Variants in ZNF765 observed in about 807,000 individuals in gnomAD.
The protein encoded by ZNF765 is zinc finger protein 765.
In ZNF765, 37 loss-of-function variants were observed where a neutral mutation model predicts 44.7. The observed-to-expected ratio is 0.83, with a 90% CI of 0.64 to 1.09. The LOEUF (loss-of-function observed/expected upper bound fraction) is 1.09. Among genes scored for constraint, ZNF765 ranks in the 50% least tolerant of loss-of-function variants. ZNF765 has a pLI of 0.00. For synonymous variants in ZNF765, 201 were observed against 213.7 expected (o/e 0.94, Z 0.52); for missense variants, 594 against 626.1 (o/e 0.95, Z 0.55).
Position 53,420,880 on chromosome 19 carries a change from C to G in ZNF765, c.143-2182C>G, listed in dbSNP as rs1165809882. Among the ~76,000 whole-genome samples, 4 of 152,032 alleles carry G rather than the reference C, an allele frequency of 2.6e-5. No homozygotes were observed. In the South Asian group the frequency reaches 6.2e-4, roughly 24 times the overall value. On this transcript the variant is annotated intron_variant, in intron 3 of 3. Coordinates refer to the ZNF765 transcript ENST00000594030. ...AGCCAGGTATTGTCCAAGGTTTCTCCCCATGTGATAGCCTGAGATATGGCC... is the reference window on the plus strand; with the variant it reads ...AGCCAGGTATTGTCCAAGGTTTCTCGCCATGTGATAGCCTGAGATATGGCC...
chr19:53,415,801 C>G (rs1337320028), downstream of ZNF765, among the ~76,000 whole-genome samples: 1 of 152,000 alleles, frequency 6.6e-6, no homozygotes, highest in Non-Finnish European at 1.5e-5. Flanking sequence ...TCTCCTGGTC[C>G]CCATATTTTC....
intron 3 of ZNF765, among the ~76,000 whole-genome samples, chr19:53,418,138 C>T (rs191052869): frequency 1.3e-5 from 2 of 152,326 alleles, no homozygotes; most frequent in Admixed American, 6.5e-5. Context: ...CACGGTGGCT[C>T]ACGCCTGTAA....
intron 3 of ZNF765, among the ~76,000 whole-genome samples, chr19:53,405,903 CTA>C (rs10675178): frequency 0.021 from 999 of 48,492 alleles, 7 homozygotes; most frequent in Non-Finnish European, 0.034. Flanking sequence ...TTAATACCAA[CTA>C]TATATATATA....
chr19:53,409,135 G>A lies in ZNF765; in HGVS notation c.*8G>A. 1.9e-6 allele frequency: 3 copies of A among 1,604,968 alleles called. No individual in the cohort carries two copies. The highest frequency in any genetic ancestry group is 2.6e-6 in the Non-Finnish European group (3 of 1,172,218). The stretch of plus-strand genomic sequence containing the variant: ...GAGAAACTACACGTGTAATGAGTGT[G>A]GTAAGACCTTCAATCAGGAGTTAAC... On this transcript the variant is annotated 3_prime_UTR_variant, in exon 4 of 4. Coordinates refer to ENST00000396408, the MANE Select transcript of ZNF765 (RefSeq NM_001040185.3).
At chr19:53,414,483 ACACACACCCCCCCCCCCCCCCC>A (rs2085861483), downstream of ZNF765, among the ~76,000 whole-genome samples, 7 of 4,892 alleles carry the variant, frequency 1.4e-3, no homozygotes, top group African/African-American at 9.7e-3. Context: ...ACACACACAC[ACACACACCCCCCCCCCCCCCCC>A]CCCCGGGGAA....
chr19:53,405,902 A>AAT (rs1201456882), intron 3 of ZNF765, among the ~76,000 whole-genome samples: 5 of 37,032 alleles, frequency 1.4e-4, no homozygotes, highest in African/African-American at 3.7e-4. Context: ...ATTAATACCA[A>AAT]CTATATATAT....
At position 53,407,961 on chromosome 19, in the gene ZNF765, G is replaced by C. The variant is rs2085791907; in HGVS notation, c.406G>C (p.Val136Leu). ...TCAAAATTATGCTGGAAACAAGCCTGTTAAATATCAGCTTGGATTCAGCTT... is the reference window on the plus strand; with the variant it reads ...TCAAAATTATGCTGGAAACAAGCCTCTTAAATATCAGCTTGGATTCAGCTT... Reference protein sequence around the residue: ...YDQNYAGNKPVKYQLGFSFHS... With the variant: ...YDQNYAGNKPLKYQLGFSFHS... Residue 136 changes from valine (V) to leucine (L), a missense_variant, in exon 4 of 4, where the codon GTT (valine) becomes CTT (leucine). This residue lies in a region of ZNF765 where 567 missense variants were observed against 572.6 expected (regional missense o/e 0.99). Transcript: ENST00000396408. 1 of 1,614,068 alleles carries C rather than the reference G, an allele frequency of 6.2e-7. No homozygotes were observed. The highest frequency in any genetic ancestry group is 1.7e-5 in the Admixed American group (1 of 60,006).
downstream of ZNF765, among the ~76,000 whole-genome samples, chr19:53,414,579 T>G (rs1400431461): frequency 6.8e-6 from 1 of 146,690 alleles, no homozygotes; most frequent in African/African-American, 2.5e-5. Context: ...AAAACTACCT[T>G]ATAGACTTTC....
In ZNF765 at chr19:53,409,830, C is replaced by A; in HGVS notation, c.*703C>A. 1 of 697,460 alleles carries A rather than the reference C, an allele frequency of 1.4e-6. No homozygotes were observed. The highest frequency in any genetic ancestry group is 2.7e-6 in the Non-Finnish European group (1 of 371,986). 43.2% of individuals were successfully genotyped at this position (697,460 alleles called of 1,614,324 possible). On this transcript the variant is annotated 3_prime_UTR_variant, in exon 4 of 4. Coordinates refer to ENST00000396408, the MANE Select transcript of ZNF765 (RefSeq NM_001040185.3). ...ACCTTTAGTCTGAAGTCATACCTTA[C>A]GCACCATCGTAGACTTCATACTGGA...
chr19:53,407,308 T>C (rs1340567581), intron 3 of ZNF765, among the ~76,000 whole-genome samples: 1 of 152,254 alleles, frequency 6.6e-6, no homozygotes, highest in Non-Finnish European at 1.5e-5. Flanking sequence ...GTACATCATG[T>C]GGTCCTTTAG....
At chr19:53,398,133 G>A in intron 2 of ZNF765, 103 bp downstream of exon 2, 1 of 1,596,466 alleles carries the variant, frequency 6.3e-7, no homozygotes. Flanking sequence ...TGCCTGACAG[G>A]TTTGCTCGCA....
intron 1 of ZNF765, among the ~76,000 whole-genome samples, chr19:53,395,529 T>C (rs11670042): frequency 0.5 from 76,432 of 152,166 alleles, 19,663 homozygotes; most frequent in South Asian, 0.62. Flanking sequence ...CGCCTCCCAG[T>C]CTCGCCCTCG....
Position 53,409,317 on chromosome 19 carries a change from C to A in ZNF765, c.*190C>A. 3 of 883,252 alleles carry A rather than the reference C, an allele frequency of 3.4e-6. No individual in the cohort carries two copies. The highest frequency in any genetic ancestry group is 2.7e-5 in the South Asian group (2 of 74,092). 54.7% of individuals were successfully genotyped at this position (883,252 alleles called of 1,614,324 possible). A position where few individuals can be genotyped will look rare whatever the true frequency, so the allele number is the denominator to read the frequency against. On this transcript the variant is annotated 3_prime_UTR_variant, in exon 4 of 4. Coordinates refer to ENST00000396408, the MANE Select transcript of ZNF765 (RefSeq NM_001040185.3). ...TAATGAGTGTGGCAAGACCTTGAGT[C>A]ATACGTCATCTTTTGTGTACCATCA... is the stretch of plus-strand genomic sequence containing the variant.
At chr19:53,398,488 G>T (rs1258768210) in intron 2 of ZNF765, among the ~76,000 whole-genome samples, 3 of 152,250 alleles carry the variant, frequency 2.0e-5, no homozygotes, top group South Asian at 2.1e-4. Context: ...ACATTTTTAG[G>T]TAATTGAGTG....
intron 3 of ZNF765, among the ~76,000 whole-genome samples, chr19:53,405,928 TATATATATATATATATATA>T (rs2085769927): frequency 1.3e-5 from 1 of 78,128 alleles, no homozygotes; most frequent in Non-Finnish European, 2.5e-5. Context: ...TATATATATA[TATATATATATATATATATA>T]TATAAAATTG....
chr19:53,421,979 G>A (rs1022516872), intron 3 of ZNF765, among the ~76,000 whole-genome samples: 3 of 152,064 alleles, frequency 2.0e-5, no homozygotes, highest in African/African-American at 7.2e-5. Flanking sequence ...GTCCTGATAT[G>A]GGGTCGACTT....
chr19:53,399,057 A>G (rs1176128662), intron 2 of ZNF765, among the ~76,000 whole-genome samples: 1 of 151,740 alleles, frequency 6.6e-6, no homozygotes, highest in African/African-American at 2.4e-5. Context: ...AGCCCCAATG[A>G]TTATTATTAA....
chr19:53,400,783 T>TATATATATAC lies in ZNF765; in HGVS notation c.16-1281_16-1280insTATATATACA, dbSNP rs10664389. ...GTTGACATATATATATATATATATA[T>TATATATATAC]ACACACATACATAAAATGGATTTTC... is the stretch of plus-strand genomic sequence containing the variant. On this transcript the variant is annotated intron_variant, in intron 2 of 3. Coordinates refer to ENST00000396408, the MANE Select transcript of ZNF765 (RefSeq NM_001040185.3). Among the ~76,000 whole-genome samples the TATATATATAC allele has an allele frequency of 5.8e-3, 739 of 126,762 alleles. 6 individuals carry two copies. The highest frequency in any genetic ancestry group is 0.018 in the African/African-American group (621 of 33,868). The allele number at this position is 126,762 out of a possible 152,430, so 83.2% of individuals were successfully genotyped here. A position where few individuals can be genotyped will look rare whatever the true frequency, so the allele number is the denominator to read the frequency against.
chr19:53,396,805 C>T (rs1277610648), intron 1 of ZNF765, among the ~76,000 whole-genome samples: 2 of 152,172 alleles, frequency 1.3e-5, no homozygotes, highest in African/African-American at 4.8e-5. Flanking sequence ...AGTTTTCTCC[C>T]TTTGCTGCTT....
Sources: allele counts gnomAD v4.1 joint callset (sites outside exome capture counted in the v4.1 genomes callset), GRCh38; gene constraint gnomAD v4.1.1; regional missense constraint gnomAD v4.1.1; transcripts MANE v1.5; gene names NCBI Gene and HGNC (gene_info 2026-07-23, HGNC 2026-07-21).